The following TACC2 variants were observed in gnomAD, a reference collection of about 807,000 sequenced individuals.
TACC2 encodes the protein transforming acidic coiled-coil containing protein 2, also known as transforming acidic coiled-coil-containing protein 2.
In TACC2, 137 loss-of-function variants were observed where a neutral mutation model predicts 227.3. That is an observed-to-expected ratio of 0.60 (90% CI 0.52 to 0.69). The LOEUF (loss-of-function observed/expected upper bound fraction) is 0.69, where lower values mean the gene tolerates loss of function less well. TACC2 is among the 30% of genes least tolerant of loss of function. The pLI is 0.00. For synonymous variants in TACC2, 1,523 were observed against 1,487.5 expected, an observed-to-expected ratio of 1.02 and a Z score of -0.55; for missense variants, 3,470 against 3,694.4, an observed-to-expected ratio of 0.94 and a Z score of 1.57.
At chr10:122,129,453 C>T (rs949306082) in intron 5 of TACC2, among the ~76,000 whole-genome samples, 4 of 152,100 alleles carry the variant, frequency 2.6e-5, no homozygotes, top group African/African-American at 9.7e-5. Flanking sequence ...TGGTTGTTTC[C>T]AGATTTTTTG....
chr10:122,203,561 GGCGGCAGGGCAGAGGTGCTCCCCAC>G (rs1380203287), intron 8 of TACC2, among the ~76,000 whole-genome samples: 3 of 151,858 alleles, frequency 2.0e-5, no homozygotes, highest in Non-Finnish European at 4.4e-5. Context: ...TCCCGGATGG[GGCGGCAGGGCAGAGGTGCTCCCCAC>G]ATCTCAGAAG....
At chr10:122,203,974 A>T (rs907099718) in intron 8 of TACC2, among the ~76,000 whole-genome samples, 16 of 151,538 alleles carry the variant, frequency 1.1e-4, no homozygotes, top group Admixed American at 2.6e-4. Context: ...CGGCCAACAC[A>T]GCGAAACCCT....
intron 3 of TACC2, among the ~76,000 whole-genome samples, chr10:122,073,049 C>A (rs1389680380): frequency 2.9e-5 from 4 of 136,586 alleles, no homozygotes; most frequent in Non-Finnish European, 6.1e-5. Flanking sequence ...GGAGGCGGAG[C>A]TTGCAGTGAG....
At chr10:122,066,233 A>G (rs528564249) in intron 3 of TACC2, among the ~76,000 whole-genome samples, 2 of 149,708 alleles carry the variant, frequency 1.3e-5, no homozygotes, top group South Asian at 4.3e-4. Flanking sequence ...TCAGCCCCCC[A>G]AGTAGCTGGG....
chr10:122,025,154 G>A (rs575671724), intron 2 of TACC2, among the ~76,000 whole-genome samples: 12 of 152,258 alleles, frequency 7.9e-5, no homozygotes, highest in African/African-American at 1.4e-4. Context: ...TTTGATGATG[G>A]ATAAAGATGT....
intron 1 of TACC2, among the ~76,000 whole-genome samples, chr10:121,997,476 A>C (rs1277457090): frequency 6.6e-6 from 1 of 152,190 alleles, no homozygotes; most frequent in South Asian, 2.1e-4. Context: ...GATTGTCCCC[A>C]CATAAGCCAG....
intron 19 of TACC2, among the ~76,000 whole-genome samples, chr10:122,245,741 G>T (rs1448314586): frequency 6.6e-6 from 1 of 151,950 alleles, no homozygotes; most frequent in Non-Finnish European, 1.5e-5. Context: ...TTAATAATGG[G>T]TTACCAATAC....
intron 9 of TACC2, 44 bp from the exon 10 acceptor site, chr10:122,215,347 C>T (rs768362961): frequency 7.6e-6 from 12 of 1,569,332 alleles, no homozygotes; most frequent in African/African-American, 5.4e-5. Flanking sequence ...TGGAGTGTTC[C>T]GTCCCTCTGC....
At chr10:122,224,273 G>T (rs1308563699) in intron 11 of TACC2, among the ~76,000 whole-genome samples, 1 of 152,170 alleles carries the variant, frequency 6.6e-6, no homozygotes, top group Non-Finnish European at 1.5e-5. Flanking sequence ...TTCAGAGGGT[G>T]GCCAGAGCTG....
chr10:122,112,895 G>C (rs968611534), intron 5 of TACC2: 4 of 152,042 alleles, frequency 2.6e-5, no homozygotes, highest in Admixed American at 2.0e-4. Flanking sequence ...ATTCCTGGCC[G>C]GGGAGGAGAG....
At chr10:122,101,723 CTTTTTTTTTT>C (rs1179126977) in intron 5 of TACC2, among the ~76,000 whole-genome samples, 2 of 55,726 alleles carry the variant, frequency 3.6e-5, no homozygotes, top group South Asian at 1.1e-3. Flanking sequence ...CCATGCCCAG[CTTTTTTTTTT>C]TTTTTTTTTT....
intron 5 of TACC2, among the ~76,000 whole-genome samples, chr10:122,120,800 G>A (rs1015457538): frequency 1.3e-5 from 2 of 151,236 alleles, no homozygotes; most frequent in African/African-American, 4.9e-5. Context: ...CTGCTCTGTC[G>A]TCCAGGCTGG....
intron 7 of TACC2, among the ~76,000 whole-genome samples, chr10:122,155,045 G>A (rs2092370461): frequency 6.6e-6 from 1 of 152,190 alleles, no homozygotes; most frequent in Non-Finnish European, 1.5e-5. Flanking sequence ...CCCAGATGCT[G>A]CACATTCACC....
chr10:122,104,175 T>C (rs2137724230), intron 5 of TACC2, among the ~76,000 whole-genome samples: 1 of 152,282 alleles, frequency 6.6e-6, no homozygotes, highest in Admixed American at 6.5e-5. Flanking sequence ...GGAGAGTCAA[T>C]TCTTACTGCC....
At chr10:122,242,720 A>G (rs75796918) in intron 19 of TACC2, among the ~76,000 whole-genome samples, 4 of 152,136 alleles carry the variant, frequency 2.6e-5, no homozygotes, top group Admixed American at 6.5e-5. Context: ...GCTAATGGTC[A>G]CTATTCAGAA....
chr10:122,171,637 A>C (rs552523305), intron 7 of TACC2, among the ~76,000 whole-genome samples: 1 of 152,244 alleles, frequency 6.6e-6, no homozygotes, highest in Admixed American at 6.5e-5. Flanking sequence ...TCATTATTCA[A>C]AATAAGTCAG....
intron 3 of TACC2, among the ~76,000 whole-genome samples, chr10:122,071,648 T>G (rs2078063961): frequency 7.0e-6 from 1 of 142,494 alleles, no homozygotes; most frequent in Non-Finnish European, 1.5e-5. Context: ...CCGAGGCAGG[T>G]GGATCATCTG....
intron 3 of TACC2, among the ~76,000 whole-genome samples, chr10:122,077,134 A>AG (rs2078912908): frequency 6.6e-6 from 1 of 151,336 alleles, no homozygotes; most frequent in African/African-American, 2.4e-5. Context: ...AAAAAAAAAA[A>AG]GAATGTTCAT....
chr10:122,182,329 T>C (rs2093997890), intron 7 of TACC2, among the ~76,000 whole-genome samples: 1 of 152,192 alleles, frequency 6.6e-6, no homozygotes, highest in Non-Finnish European at 1.5e-5. Flanking sequence ...TTCAGGCCTC[T>C]GAAGGCCTCA....
Sources: gnomAD v4.1 joint callset for allele counts (sites outside exome capture counted in the v4.1 genomes callset) on GRCh38, gnomAD v4.1.1 for gene constraint, MANE v1.5 for transcripts, NCBI Gene and HGNC (gene_info 2026-07-23, HGNC 2026-07-21) for gene names.